The following LEKR1 variants were observed in gnomAD, a reference collection of about 807,000 sequenced individuals.
LEKR1 encodes the protein protein LEKR1.
LEKR1 carries 59 observed loss-of-function variants against 72.4 expected under a neutral mutation model. The ratio of observed to expected loss-of-function variants is 0.82; its 90% confidence interval spans 0.66 to 1.01. The LOEUF is 1.01. Ranked by LOEUF, LEKR1 falls within the 50% of genes least tolerant of loss-of-function variation. The pLI, the probability that LEKR1 is intolerant of heterozygous loss-of-function variation, is 0.00. For missense variants in LEKR1, 728 were observed against 759.2 expected, an observed-to-expected ratio of 0.96 and a Z score of 0.48; for synonymous variants, 257 against 263.2, an observed-to-expected ratio of 0.98 and a Z score of 0.23.
At chr3:156,894,349 T>C (rs9876148) in intron 3 of LEKR1, among the ~76,000 whole-genome samples, 128,361 of 152,152 alleles carry the variant, frequency 0.84, 54,311 homozygotes, top group African/African-American at 0.91. Context: ...AGCATTGCTC[T>C]TCAAGGTGTG....
intron 7 of LEKR1, among the ~76,000 whole-genome samples, chr3:156,980,779 A>G (rs1053216919): frequency 6.6e-6 from 1 of 152,230 alleles, no homozygotes; most frequent in Non-Finnish European, 1.5e-5. Flanking sequence ...AAGACTTAGC[A>G]TATATAGTGG....
intron 12 of LEKR1, among the ~76,000 whole-genome samples, chr3:157,042,832 T>G (rs1735452021): frequency 6.6e-6 from 1 of 152,198 alleles, no homozygotes; most frequent in Admixed American, 6.5e-5. Flanking sequence ...TAACTCTTTC[T>G]CATTGCTTTC....
At chr3:156,827,759 TA>T (rs765979512) in intron 1 of LEKR1, among the ~76,000 whole-genome samples, 3 of 152,242 alleles carry the variant, frequency 2.0e-5, no homozygotes, top group Admixed American at 6.5e-5. Flanking sequence ...GCTAAGGCCA[TA>T]AAGTTGGAAT....
In LEKR1 at chr3:157,037,497, A is replaced by T. The variant is rs560931225; in HGVS notation, c.1669-7843A>T. On this transcript the variant is annotated intron_variant, in intron 12 of 12. Transcript: ENST00000356539. ...GCAACAGAATATAAACCTTAATGAG[A>T]TTTTCTTTTCAGATTATGAGAAATG... 4.6e-5 allele frequency among the ~76,000 whole-genome samples: 7 copies of T among 152,276 alleles called. No individual in the cohort carries two copies. The South Asian group carries it at 1.5e-3, about 32-fold the overall frequency.
chr3:156,883,562 T>C (rs183694829), intron 3 of LEKR1, among the ~76,000 whole-genome samples: 1 of 152,316 alleles, frequency 6.6e-6, no homozygotes, highest in African/African-American at 2.4e-5. Flanking sequence ...TTCCCACTTG[T>C]GGGAGGGACT....
At chr3:156,964,533 G>A (rs1411387799) in intron 6 of LEKR1, among the ~76,000 whole-genome samples, 3 of 152,016 alleles carry the variant, frequency 2.0e-5, no homozygotes, top group Non-Finnish European at 1.5e-5. Flanking sequence ...TTATGTAATT[G>A]TGTGGTAGAA....
chr3:156,853,015 T>TATC, intron 3 of LEKR1, 33 bp downstream of exon 3: 1 of 1,373,166 alleles, frequency 7.3e-7, no homozygotes, highest in South Asian at 1.3e-5. Flanking sequence ...ATCATTTATT[T>TATC]AGTTGAAAGA....
intron 3 of LEKR1, among the ~76,000 whole-genome samples, chr3:156,858,836 A>G (rs1716410342): frequency 6.6e-6 from 1 of 152,186 alleles, no homozygotes; most frequent in Non-Finnish European, 1.5e-5. Flanking sequence ...CTTTGGCAAC[A>G]ACAAACTTTT....
intron 12 of LEKR1, among the ~76,000 whole-genome samples, chr3:157,039,466 A>C (rs1210873100): frequency 1.3e-5 from 2 of 152,116 alleles, no homozygotes; most frequent in Admixed American, 6.5e-5. Flanking sequence ...AGAAAATACA[A>C]AAATTAGCTG....
intron 10 of LEKR1, among the ~76,000 whole-genome samples, chr3:157,016,889 A>G (rs1224780478): frequency 6.6e-6 from 1 of 152,180 alleles, no homozygotes; most frequent in Admixed American, 6.5e-5. Context: ...AAACCCTAAA[A>G]TTATAGATAA....
chr3:156,887,533 A>T (rs1409781891), intron 3 of LEKR1, among the ~76,000 whole-genome samples: 1 of 152,136 alleles, frequency 6.6e-6, no homozygotes, highest in Non-Finnish European at 1.5e-5. Context: ...CAACAGAATG[A>T]TGCTTTGAAT....
chr3:156,953,297 T>A (rs1727331835), intron 6 of LEKR1, among the ~76,000 whole-genome samples: 1 of 151,634 alleles, frequency 6.6e-6, no homozygotes, highest in South Asian at 2.1e-4. Context: ...ACTAGTTTAG[T>A]GCATTTGTTA....
Position 156,987,177 on chromosome 3 carries a change from G to A in LEKR1, c.828-5476G>A, listed in dbSNP as rs1730765492. Among the ~76,000 whole-genome samples the A allele has an allele frequency of 2.6e-5, 4 of 152,204 alleles. No homozygotes were observed. The South Asian group carries it at 8.3e-4, about 32-fold the overall frequency. The stretch of plus-strand genomic sequence containing the variant: ...CCACTATTTGCTAAGAGTAAAAGAA[G>A]GAATGCAATGCTTAAAGAGATGTAG... On this transcript the variant is annotated intron_variant, in intron 7 of 12. Transcript: ENST00000356539.
intron 9 of LEKR1, among the ~76,000 whole-genome samples, chr3:156,993,706 C>T (rs1260135802): frequency 6.6e-6 from 1 of 152,176 alleles, no homozygotes; most frequent in Non-Finnish European, 1.5e-5. Context: ...TCTGTCAGCA[C>T]ATCTTGTTGG....
intron 7 of LEKR1, among the ~76,000 whole-genome samples, chr3:156,986,552 A>G (rs1304445253): frequency 1.3e-5 from 2 of 152,230 alleles, no homozygotes; most frequent in Non-Finnish European, 1.5e-5. Flanking sequence ...AAACGAAAGA[A>G]TAAAGACGGG....
chr3:156,941,548 A>G (rs144212927), intron 5 of LEKR1, among the ~76,000 whole-genome samples: 145 of 152,198 alleles, frequency 9.5e-4, no homozygotes, highest in African/African-American at 3.3e-3. Flanking sequence ...TGGCACCAAG[A>G]GCAATAAACG....
rs199812954 is a variant in LEKR1 at position 156,902,211 on chromosome 3, T to TA, written c.264-18355dup. ...ATTTGCTGACCTATTTCCTATTCTT[T>TA]AAAAAAAAATCTTGTTTTCACTGTG... On this transcript the variant is annotated intron_variant, in intron 3 of 12. Transcript: ENST00000356539. 3.8e-3 allele frequency among the ~76,000 whole-genome samples: 581 copies of TA among 151,612 alleles called. 3 individuals carry two copies. Among genetic ancestry groups the TA allele is most frequent in the Non-Finnish European group, 4.1e-3 (279 of 67,840 alleles).
At chr3:156,866,540 C>T (rs944773529) in intron 3 of LEKR1, among the ~76,000 whole-genome samples, 1 of 152,018 alleles carries the variant, frequency 6.6e-6, no homozygotes, top group Non-Finnish European at 1.5e-5. Context: ...CTCTCCAGAC[C>T]TCTTACTATG....
Position 157,045,656 on chromosome 3 carries a change from C to T in LEKR1, c.1985C>T (p.Pro662Leu), listed in dbSNP as rs776310831. Reference sequence around the variant, plus strand: ...GTTAGATCAGGCGTGCCCATTCTCCCCCAGCCACATCCTCCCAGGGGTGGA... The same window carrying T: ...GTTAGATCAGGCGTGCCCATTCTCCTCCAGCCACATCCTCCCAGGGGTGGA... ...KRVRSGVPIL[P>L]QPHPPRGGAS... The change falls in exon 13 of 13, where the codon CCC becomes CTC. Residue 662 changes from proline (P) to leucine (L), a missense_variant. Transcript: ENST00000356539. The T allele has an allele frequency of 1.2e-6, 2 of 1,613,996 alleles. No homozygotes were observed. The highest frequency in any genetic ancestry group is 1.7e-5 in the Admixed American group (1 of 59,972).
Sources: allele counts gnomAD v4.1 joint callset (sites outside exome capture counted in the v4.1 genomes callset), GRCh38; gene constraint gnomAD v4.1.1; transcripts MANE v1.5; gene names NCBI Gene and HGNC (gene_info 2026-07-23, HGNC 2026-07-21).